LMO7: variants seen among roughly 807,000 people sequenced by gnomAD.
LMO7 encodes LIM domain 7, also known as LIM domain only protein 7.
Under a neutral mutation model 206.5 loss-of-function variants are expected in LMO7, and 120 were observed. The ratio of observed to expected loss-of-function variants is 0.58; its 90% CI spans 0.50 to 0.68. The LOEUF (loss-of-function observed/expected upper bound fraction) is 0.68. Among genes scored for constraint, LMO7 ranks in the 30% least tolerant of loss-of-function variants. The pLI, the probability that LMO7 is intolerant of heterozygous loss-of-function variation, is 0.00. For synonymous variants in LMO7, 706 were observed against 681.5 expected, an observed-to-expected ratio of 1.04 and a Z score of -0.56; for missense variants, 1,959 against 1,957.9, an observed-to-expected ratio of 1.00 and a Z score of -0.01.
chr13:75,774,318 G>T (rs1035307303), intron 4 of LMO7, among the ~76,000 whole-genome samples: 1 of 152,152 alleles, frequency 6.6e-6, no homozygotes, highest in Admixed American at 6.5e-5. Context: ...GTAGTCTGTT[G>T]TGTTTTATCC....
intron 1 of LMO7, among the ~76,000 whole-genome samples, chr13:75,686,953 A>G (rs960821564): frequency 2.6e-5 from 4 of 152,140 alleles, no homozygotes; most frequent in South Asian, 4.1e-4. Context: ...TAAGGGCACA[A>G]ATTTCATAGA....
intron 3 of LMO7, among the ~76,000 whole-genome samples, chr13:75,740,320 C>G (rs2046312519): frequency 6.6e-6 from 1 of 152,170 alleles, no homozygotes; most frequent in Non-Finnish European, 1.5e-5. Context: ...TGGGTTTGGT[C>G]ACTCACGCCT....
chr13:75,636,792 G>T, intron 1 of LMO7, 66 bp downstream of exon 1: 2 of 1,456,460 alleles, frequency 1.4e-6, no homozygotes, highest in South Asian at 2.4e-5. Context: ...GTCGCGAGGT[G>T]ACTGCAGCCC....
chr13:75,724,005 A>G (rs1395645918), intron 2 of LMO7, among the ~76,000 whole-genome samples: 1 of 152,072 alleles, frequency 6.6e-6, no homozygotes, highest in Non-Finnish European at 1.5e-5. Flanking sequence ...AGCTTTCAGG[A>G]GCCTCTTTTA....
intron 1 of LMO7, among the ~76,000 whole-genome samples, chr13:75,654,734 C>T (rs2037883586): frequency 6.6e-6 from 1 of 152,150 alleles, no homozygotes; most frequent in South Asian, 2.1e-4. Flanking sequence ...GTCTCATTAC[C>T]TAGGATCTTG....
intron 3 of LMO7, chr13:75,760,450 T>G: frequency 1.7e-6 from 2 of 1,172,926 alleles, no homozygotes; most frequent in Non-Finnish European, 1.1e-6. Flanking sequence ...CCACAGTCGT[T>G]CTGTAATTTG....
upstream of LMO7, chr13:75,631,857 G>T (rs1209222235): frequency 1.3e-5 from 2 of 152,214 alleles, no homozygotes; most frequent in Admixed American, 1.3e-4. Context: ...CTCCTATGGG[G>T]CATCTCTGTG....
intron 4 of LMO7, among the ~76,000 whole-genome samples, chr13:75,768,459 G>A (rs2049186130): frequency 6.6e-6 from 1 of 151,924 alleles, no homozygotes. Flanking sequence ...TGTGTATGTG[G>A]GGCCAACACA....
intron 1 of LMO7, among the ~76,000 whole-genome samples, chr13:75,676,874 G>A (rs573277847): frequency 6.6e-6 from 1 of 152,118 alleles, no homozygotes; most frequent in South Asian, 2.1e-4. Flanking sequence ...TTTACCTATC[G>A]AATGTTCCAA....
At position 75,757,310 on chromosome 13, in the gene LMO7, C is replaced by T. The variant is rs543498067; in HGVS notation, c.211-3622C>T. On this transcript the variant is annotated intron_variant, in intron 3 of 30. Transcript: ENST00000377534. ...TCTCAATTACAACCTAATGAAGGGT[C>T]CCCCAATTCAGAACTATTCAGCTAA... Among the ~76,000 whole-genome samples, 28 of 152,232 alleles carry T rather than the reference C, an allele frequency of 1.8e-4. No homozygotes were observed. In the East Asian group the frequency reaches 5.0e-3, roughly 27 times the overall value.
chr13:75,693,469 G>A (rs759463482), intron 1 of LMO7, among the ~76,000 whole-genome samples: 1 of 152,034 alleles, frequency 6.6e-6, no homozygotes, highest in Non-Finnish European at 1.5e-5. Context: ...TTCAGGCTGG[G>A]GTGATAATTA....
intron 4 of LMO7, 47 bp downstream of exon 4, chr13:75,761,085 A>G: frequency 2.5e-6 from 3 of 1,187,144 alleles, no homozygotes; most frequent in Non-Finnish European, 3.5e-6. Context: ...ATTTAAACTT[A>G]GGGCTTGTAG....
intron 1 of LMO7, among the ~76,000 whole-genome samples, chr13:75,645,409 C>T (rs888294785): frequency 6.6e-6 from 1 of 152,120 alleles, no homozygotes; most frequent in Admixed American, 6.6e-5. Context: ...TTGCCAGTCT[C>T]ATTATAAACT....
At position 75,693,667 on chromosome 13, in the gene LMO7, G is replaced by A. The variant is rs536668346; in HGVS notation, c.70-19515G>A. On this transcript the variant is annotated intron_variant, in intron 1 of 30. Coordinates refer to ENST00000377534, the MANE Select transcript of LMO7 (RefSeq NM_001306080.2). ...CTTCTCCTCTCCTGTCAAGGCATTT[G>A]TTAGGTCTTTCCTTTCCTGCCAAAG... 9.7e-4 allele frequency among the ~76,000 whole-genome samples: 148 copies of A among 152,320 alleles called. 1 individual carries two copies. Among genetic ancestry groups the A allele is most frequent in the African/African-American group, 3.5e-3 (145 of 41,572 alleles).
chr13:75,711,791 A>C (rs148497510), intron 1 of LMO7, among the ~76,000 whole-genome samples: 15 of 152,322 alleles, frequency 9.8e-5, no homozygotes, highest in African/African-American at 2.9e-4. Flanking sequence ...GGGCTCCCTG[A>C]TGGAAGAGCT....
chr13:75,661,797 A>T (rs186660756), intron 1 of LMO7, among the ~76,000 whole-genome samples: 1 of 152,188 alleles, frequency 6.6e-6, no homozygotes, highest in South Asian at 2.1e-4. Context: ...GCTAGTTTGC[A>T]TGCTGTAAAA....
intron 3 of LMO7, among the ~76,000 whole-genome samples, chr13:75,732,760 G>A (rs531677963): frequency 4.0e-4 from 61 of 152,190 alleles, no homozygotes; most frequent in African/African-American, 1.5e-3. Context: ...GGTTTTGTCG[G>A]CTTTTGGTCT....
intron 29 of LMO7, 49 bp from the exon 30 acceptor site, chr13:75,856,457 C>A: frequency 2.5e-6 from 3 of 1,183,150 alleles, no homozygotes; most frequent in Non-Finnish European, 3.8e-6. Flanking sequence ...GTGCCCCAAG[C>A]TTTCTTGAGC....
chr13:75,673,291 C>A (rs2039743481), intron 1 of LMO7, among the ~76,000 whole-genome samples: 1 of 152,118 alleles, frequency 6.6e-6, no homozygotes, highest in South Asian at 2.1e-4. Context: ...TGAACCTTGA[C>A]ATTTATGAGA....
Sources: allele counts gnomAD v4.1 joint callset (sites outside exome capture counted in the v4.1 genomes callset), GRCh38; gene constraint gnomAD v4.1.1; transcripts MANE v1.5; gene names NCBI Gene and HGNC (gene_info 2026-07-23, HGNC 2026-07-21).